Variants in STX18 observed in about 807,000 individuals in gnomAD.
STX18 encodes syntaxin-18.
STX18 carries 40 observed loss-of-function variants against 50.1 expected under a neutral mutation model. The ratio of observed to expected loss-of-function variants is 0.80; its 90% CI spans 0.62 to 1.04. STX18 has a LOEUF of 1.04. Ranked by LOEUF, STX18 falls within the 50% of genes least tolerant of loss-of-function variation. The pLI is 0.00. For missense variants in STX18, 410 were observed against 415.8 expected (o/e 0.99, Z 0.12); for synonymous variants, 158 against 151.8 (o/e 1.04, Z -0.30).
At chr4:4,504,761 CACA>C (rs1012419166) in intron 1 of STX18, among the ~76,000 whole-genome samples, 1 of 152,170 alleles carries the variant, frequency 6.6e-6, no homozygotes, top group Admixed American at 6.5e-5. Flanking sequence ...TGTATCACTA[CACA>C]CCTATTAAAA....
chr4:4,511,823 A>G (rs1389434097), intron 1 of STX18, among the ~76,000 whole-genome samples: 2 of 150,682 alleles, frequency 1.3e-5, no homozygotes, highest in East Asian at 3.9e-4. Flanking sequence ...CCAAAACAGA[A>G]GGAGAGGAGA....
intron 2 of STX18, among the ~76,000 whole-genome samples, chr4:4,471,006 C>T (rs544515242): frequency 1.3e-5 from 2 of 152,290 alleles, no homozygotes; most frequent in South Asian, 4.1e-4. Context: ...GGAATGTCAA[C>T]ATGAGTAACA....
chr4:4,482,635 C>T (rs1728516944), intron 1 of STX18, among the ~76,000 whole-genome samples: 1 of 152,206 alleles, frequency 6.6e-6, no homozygotes, highest in Non-Finnish European at 1.5e-5. Context: ...CACCTGCGTG[C>T]CAGACCACAG....
At chr4:4,439,095 T>C (rs1399049532) in intron 5 of STX18, among the ~76,000 whole-genome samples, 3 of 144,036 alleles carry the variant, frequency 2.1e-5, no homozygotes, top group African/African-American at 5.2e-5. Flanking sequence ...ACCACACATA[T>C]ACCCCCACAC....
rs755228249 is a variant in STX18, at chr4:4,434,721, C to T, written c.702+49G>A. 4.0e-6 allele frequency: 6 copies of T among 1,503,852 alleles called. No homozygotes were observed. In the African/African-American group the frequency reaches 5.6e-5, roughly 14 times the overall value. The allele number at this position is 1,503,852 out of a possible 1,614,324, so 93.2% of individuals were successfully genotyped here. A position where few individuals can be genotyped will look rare whatever the true frequency, so the allele number is the denominator to read the frequency against. On this transcript the variant is annotated intron_variant, in intron 7 of 10. Transcript: ENST00000306200. ...ATGAGTTTCTCCTTAGTGAAACAGT[C>T]TTATGAAAACCAGTTAAAAATAAAT...
intron 1 of STX18, among the ~76,000 whole-genome samples, chr4:4,511,846 T>A (rs1051282686): frequency 1.3e-5 from 2 of 151,098 alleles, no homozygotes; most frequent in African/African-American, 4.9e-5. Context: ...TGAAAAATAC[T>A]AAGGTAATGT....
intron 2 of STX18, among the ~76,000 whole-genome samples, chr4:4,470,450 A>G (rs1404961003): frequency 2.0e-5 from 3 of 152,194 alleles, no homozygotes; most frequent in African/African-American, 7.2e-5. Flanking sequence ...GTATTTACTG[A>G]GTGCCAAATA....
At chr4:4,499,831 G>A (rs1461006153) in intron 1 of STX18, among the ~76,000 whole-genome samples, 1 of 151,522 alleles carries the variant, frequency 6.6e-6, no homozygotes. Flanking sequence ...AAGAATGTGC[G>A]TTCAGTGGGG....
At chr4:4,447,681 AGT>A (rs1726502127) in intron 5 of STX18, among the ~76,000 whole-genome samples, 3 of 148,106 alleles carry the variant, frequency 2.0e-5, no homozygotes, top group Non-Finnish European at 4.5e-5. Context: ...TTTATATGTA[AGT>A]GCTAACTCAG....
At chr4:4,497,414 C>T (rs1257355613) in intron 1 of STX18, among the ~76,000 whole-genome samples, 1 of 152,186 alleles carries the variant, frequency 6.6e-6, no homozygotes, top group East Asian at 1.9e-4. Flanking sequence ...TACTTTATTA[C>T]AACATGTGAT....
chr4:4,508,229 T>A (rs1729820600), intron 1 of STX18, among the ~76,000 whole-genome samples: 1 of 152,188 alleles, frequency 6.6e-6, no homozygotes, highest in African/African-American at 2.4e-5. Context: ...TTGTTTTTTG[T>A]CTGTTCATGG....
At chr4:4,469,533 C>T (rs1211289429) in intron 2 of STX18, among the ~76,000 whole-genome samples, 1 of 151,940 alleles carries the variant, frequency 6.6e-6, no homozygotes, top group African/African-American at 2.4e-5. Context: ...TACAGCAGTA[C>T]CTGAGAAGCG....
intron 1 of STX18, among the ~76,000 whole-genome samples, chr4:4,486,825 AC>A (rs1287518424): frequency 1.3e-5 from 2 of 152,218 alleles, no homozygotes; most frequent in Non-Finnish European, 2.9e-5. Context: ...ATCTTCAAAA[AC>A]AAATAGTGCA....
chr4:4,461,249 T>C (rs1340714926), intron 2 of STX18, among the ~76,000 whole-genome samples: 1 of 152,226 alleles, frequency 6.6e-6, no homozygotes, highest in Non-Finnish European at 1.5e-5. Flanking sequence ...ATTGACAGTA[T>C]GGTTATTCTA....
intron 9 of STX18, among the ~76,000 whole-genome samples, chr4:4,421,207 C>T (rs528294210): frequency 2.6e-5 from 4 of 152,176 alleles, no homozygotes; most frequent in East Asian, 1.9e-4. Flanking sequence ...CAAATCCTCA[C>T]AGCACCCCAA....
At chr4:4,505,265 T>C (rs1011873653) in intron 1 of STX18, among the ~76,000 whole-genome samples, 1 of 152,200 alleles carries the variant, frequency 6.6e-6, no homozygotes, top group African/African-American at 2.4e-5. Flanking sequence ...CCAAACATCA[T>C]AGCTTAGCCT....
At chr4:4,457,803 A>G (rs2108816479) in intron 3 of STX18, among the ~76,000 whole-genome samples, 1 of 152,348 alleles carries the variant, frequency 6.6e-6, no homozygotes, top group East Asian at 1.9e-4. Context: ...AACAGCATCC[A>G]ATGCTCAAGC....
rs558594165 is a variant in STX18 at position 4,495,091 on chromosome 4, G to A, written c.169-23385C>T. Among the ~76,000 whole-genome samples the A allele has an allele frequency of 1.1e-3, 162 of 152,306 alleles. No homozygotes were observed. The Middle Eastern group carries it at 0.031, about 29-fold the overall frequency. On this transcript the variant is annotated intron_variant, in intron 1 of 10. Transcript: ENST00000306200. ...TGGAATCAGACTGCCTGGATCTAAT[G>A]CAGGCTGACATTCATGAATTATACA... is the stretch of plus-strand genomic sequence containing the variant.
rs1274455164 is a variant in STX18, at chr4:4,420,132, G to C, written c.913-3C>G. The C allele has an allele frequency of 1.2e-6, 2 of 1,606,752 alleles. No homozygotes were observed. Among genetic ancestry groups the C allele is most frequent in the Non-Finnish European group, 1.7e-6 (2 of 1,176,726 alleles). On this transcript the variant is annotated splice_region_variant and splice_polypyrimidine_tract_variant and intron_variant, in intron 10 of 10. Coordinates refer to ENST00000306200, the MANE Select transcript of STX18 (RefSeq NM_016930.4). This position sits in a 1 kb window ranked among gnomAD's most constrained non-coding sequence, Gnocchi z 4.3. Reference sequence around the variant, plus strand: ...AAGCCAGCGTTGTTTTTAATGGCCTGGGCAGGGACGGGAGCACAGGTGTTT... The same window carrying C: ...AAGCCAGCGTTGTTTTTAATGGCCTCGGCAGGGACGGGAGCACAGGTGTTT...
Sources: allele counts gnomAD v4.1 joint callset (sites outside exome capture counted in the v4.1 genomes callset), GRCh38; gene constraint gnomAD v4.1.1; non-coding constraint Gnocchi (gnomAD v3.1); transcripts MANE v1.5; gene names NCBI Gene and HGNC (gene_info 2026-07-23, HGNC 2026-07-21).